Variants in COA8 observed in about 807,000 individuals in gnomAD.
The protein encoded by COA8 is UPF0671 protein C14orf153.
In COA8, 20 loss-of-function variants were observed where a neutral mutation model predicts 22.0. That is an observed-to-expected ratio of 0.91 (90% CI 0.64 to 1.32). The LOEUF (loss-of-function observed/expected upper bound fraction) is 1.32. COA8 is among the 40% of genes most tolerant of loss of function. COA8 has a pLI of 0.00. For synonymous variants in COA8, 105 were observed against 79.9 expected, an observed-to-expected ratio of 1.31 and a Z score of -1.68; for missense variants, 266 against 230.0, an observed-to-expected ratio of 1.16 and a Z score of -1.01.
chr14:103,574,644 C>T (rs1274581516), intron 3 of COA8: 2 of 354,048 alleles, frequency 5.6e-6, no homozygotes, highest in Admixed American at 7.7e-5. Flanking sequence ...AAAGCCAAGT[C>T]TGTCATTGGG....
In COA8 at chr14:103,582,737, C is replaced by CTT. The variant is rs61102383; in HGVS notation, c.386-4522_386-4521dup. On this transcript the variant is annotated intron_variant, in intron 3 of 4. Coordinates refer to ENST00000409074, the MANE Select transcript of COA8 (RefSeq NM_001370595.2). ...TCACATACCATAAAATTCACCCTGC[C>CTT]TTTTTTTTTTTTTTTTGAGATGGAG... is the stretch of plus-strand genomic sequence containing the variant. Among the ~76,000 whole-genome samples, 16 of 120,936 alleles carry CTT rather than the reference C, an allele frequency of 1.3e-4. 4 individuals are homozygous for CTT. Among genetic ancestry groups the CTT allele is most frequent in the Admixed American group, 3.5e-4 (4 of 11,530 alleles). 79.3% of individuals were successfully genotyped at this position (120,936 alleles called of 152,430 possible). A position where few individuals can be genotyped will look rare whatever the true frequency, so the allele number is the denominator to read the frequency against.
intron 3 of COA8, 92 bp from the exon 4 acceptor site, chr14:103,587,182 G>A: frequency 1.1e-6 from 1 of 930,426 alleles, no homozygotes; most frequent in Non-Finnish European, 1.6e-6. Context: ...TATATATCCT[G>A]CAAGCTTGCT....
chr14:103,563,134 G>T lies in COA8; in HGVS notation c.123+10G>T, dbSNP rs751821020. 4.5e-6 allele frequency: 7 copies of T among 1,541,426 alleles called. No homozygotes were observed. The highest frequency in any genetic ancestry group is 3.6e-5 in the South Asian group (3 of 84,382). On this transcript the variant is annotated intron_variant, in intron 1 of 4. Coordinates refer to ENST00000409074, the MANE Select transcript of COA8 (RefSeq NM_001370595.2). ...TACGGCGCCCAGCGGGGTAAGCAGG[G>T]GCCTGGGGACATTGGGCCGGGAGGG...
chr14:103,581,977 C>T lies in COA8; in HGVS notation c.386-5297C>T, dbSNP rs551104713. Among the ~76,000 whole-genome samples the T allele has an allele frequency of 2.0e-4, 31 of 152,292 alleles. No individual in the cohort carries two copies. The South Asian group carries it at 6.4e-3, about 32-fold the overall frequency. ...GCCACTTTGCCCACTCCCCCTTGGG[C>T]CGGAGCATCAGCATTAGCTGTGCCA... On this transcript the variant is annotated intron_variant, in intron 3 of 4. Transcript: ENST00000409074. The surrounding 1 kb of genome is among the most constrained non-coding windows in gnomAD (Gnocchi z 4.1).
intron 4 of COA8, chr14:103,588,354 G>T: frequency 2.5e-6 from 1 of 393,552 alleles, no homozygotes; most frequent in South Asian, 1.4e-4. Flanking sequence ...TGAGCTAGGA[G>T]GACCACTTGA....
intron 2 of COA8, among the ~76,000 whole-genome samples, chr14:103,573,759 G>T (rs531358874): frequency 6.6e-6 from 1 of 151,982 alleles, no homozygotes; most frequent in Non-Finnish European, 1.5e-5. Flanking sequence ...CTCCATGTTG[G>T]CCAGGCTGGT....
chr14:103,578,682 T>C (rs1424900171), intron 3 of COA8, among the ~76,000 whole-genome samples: 2 of 152,184 alleles, frequency 1.3e-5, no homozygotes, highest in Non-Finnish European at 2.9e-5. Context: ...GTGTGGATGG[T>C]GCCCTGCTTA....
chr14:103,586,571 G>T (rs184117420), intron 3 of COA8, among the ~76,000 whole-genome samples: 175 of 150,854 alleles, frequency 1.2e-3, no homozygotes, highest in Middle Eastern at 3.6e-3. Flanking sequence ...TCTATCTCTT[G>T]ATCTTCTGAT....
At position 103,581,672 on chromosome 14, in the gene COA8, G is replaced by A; in HGVS notation, c.386-5602G>A. The A allele has an allele frequency of 2.5e-6, 1 of 398,714 alleles. No individual in the cohort carries two copies. Among genetic ancestry groups the A allele is most frequent in the Non-Finnish European group, 4.4e-6 (1 of 226,120 alleles). 24.7% of individuals were successfully genotyped at this position (398,714 alleles called of 1,614,324 possible). ...CCCTTACACAGTTGAGTAAACCGAG[G>A]CACAGAAGAAAATGAAGTAGCCCCA... On this transcript the variant is annotated intron_variant, in intron 3 of 4. Transcript: ENST00000409074. The surrounding 1 kb of genome is among the most constrained non-coding windows in gnomAD (Gnocchi z 4.1).
chr14:103,571,666 T>A lies in COA8; in HGVS notation c.167T>A (p.Ile56Lys), dbSNP rs978880731. The A allele has an allele frequency of 1.2e-5, 19 of 1,614,116 alleles. No individual in the cohort carries two copies. The highest frequency in any genetic ancestry group is 1.6e-5 in the Non-Finnish European group (19 of 1,180,048). ...CCAAGAAAGTCTTGCCATGATTGGATAGGACCCCCAGATAAATATTCAAAC... is the reference window on the plus strand; with the variant it reads ...CCAAGAAAGTCTTGCCATGATTGGAAAGGACCCCCAGATAAATATTCAAAC... ...CPPRKSCHDW[I>K]GPPDKYSNLR... The change falls in exon 2 of 5, where the codon ATA (isoleucine) becomes AAA (lysine). Residue 56 changes from isoleucine to lysine, a missense_variant. Ile to Lys is a moderately radical substitution (Grantham distance 102, BLOSUM62 -3). Coordinates refer to ENST00000409074, the MANE Select transcript of COA8 (RefSeq NM_001370595.2).
At chr14:103,571,917 G>A in intron 2 of COA8, 97 bp downstream of exon 2, 6 of 1,028,446 alleles carry the variant, frequency 5.8e-6, no homozygotes, top group Non-Finnish European at 8.6e-6. Flanking sequence ...CACGAGGTCA[G>A]GAGATCGAGA....
intron 2 of COA8, among the ~76,000 whole-genome samples, chr14:103,572,825 C>T (rs528032734): frequency 2.6e-3 from 400 of 151,904 alleles, no homozygotes; most frequent in Non-Finnish European, 4.6e-3. Context: ...GCTCTGTCAC[C>T]AAGCTGGAGT....
intron 1 of COA8, among the ~76,000 whole-genome samples, chr14:103,569,431 T>G (rs1489537659): frequency 1.3e-5 from 2 of 152,208 alleles, no homozygotes; most frequent in Admixed American, 1.3e-4. Context: ...TAGATAAATA[T>G]GGAAAAGTAG....
intron 2 of COA8, 39 bp downstream of exon 2, chr14:103,571,859 G>C (rs777734441): frequency 6.4e-7 from 1 of 1,571,814 alleles, no homozygotes; most frequent in Non-Finnish European, 8.7e-7. Context: ...AGGGTGCGGT[G>C]GCTCACGCCT....
chr14:103,589,413 C>T (rs1332776894), intron 4 of COA8, among the ~76,000 whole-genome samples: 2 of 152,100 alleles, frequency 1.3e-5, no homozygotes, highest in African/African-American at 2.4e-5. Flanking sequence ...GGTCGTGGCC[C>T]ATCACATCCC....
chr14:103,580,364 A>G (rs1338304995), intron 3 of COA8, among the ~76,000 whole-genome samples: 2 of 152,070 alleles, frequency 1.3e-5, no homozygotes, highest in African/African-American at 4.8e-5. Flanking sequence ...GCTGGAGTGC[A>G]GTGGTGCAGT....
rs991066076 is a variant in COA8 at position 103,590,405 on chromosome 14, G to A, written c.*119G>A. On this transcript the variant is annotated 3_prime_UTR_variant, in exon 5 of 5. Coordinates refer to ENST00000409074, the MANE Select transcript of COA8 (RefSeq NM_001370595.2). ...AAGAAGCCCCACATCTTCCTAAGGG[G>A]CCCCATGGCCTGTTTGGGGGCAGGG... The A allele has an allele frequency of 6.2e-6, 6 of 968,642 alleles. No homozygotes were observed. In the African/African-American group the frequency reaches 9.9e-5, roughly 16 times the overall value. 60.0% of individuals were successfully genotyped at this position (968,642 alleles called of 1,614,324 possible). A position where few individuals can be genotyped will look rare whatever the true frequency, so the allele number is the denominator to read the frequency against.
In COA8 at chr14:103,581,884, CTG is replaced by C. The variant is rs148536714; in HGVS notation, c.386-5387_386-5386del. On this transcript the variant is annotated intron_variant, in intron 3 of 4. Coordinates refer to ENST00000409074, the MANE Select transcript of COA8 (RefSeq NM_001370595.2). The surrounding 1 kb of genome is among the most constrained non-coding windows in gnomAD (Gnocchi z 4.1). Reference sequence around the variant, plus strand: ...GTGCCGTCTGAGTGTTTGTTTCTGTCTGTGGGAATAAAGGGGTTGCCAGACAC... The same window carrying C: ...GTGCCGTCTGAGTGTTTGTTTCTGTCTGGGAATAAAGGGGTTGCCAGACAC... Among the ~76,000 whole-genome samples the C allele has an allele frequency of 1.3e-3, 194 of 152,328 alleles. 3 individuals carry two copies. In the East Asian group the frequency reaches 0.036, roughly 28 times the overall value.
chr14:103,590,276 G>C lies in COA8; in HGVS notation c.572G>C (p.Arg191Thr). ...AAGCTTAAACAGAAACAAAAGAAGA[G>C]GAGCAACTAGGAGTCCACTCTGACC... Reference protein sequence around the residue: ...WNKLKQKQKKRSN With the variant: ...WNKLKQKQKKTSN The change falls in exon 5 of 5, where the codon AGG (arginine) becomes ACG (threonine). Residue 191 changes from arginine (R) to threonine (T), a missense_variant. By Grantham distance (71) the Arg-to-Thr change is moderately conservative. Transcript: ENST00000409074. 6.2e-7 allele frequency: 1 copy of C among 1,613,760 alleles called. No individual in the cohort carries two copies.
Sources: allele counts gnomAD v4.1 joint callset (sites outside exome capture counted in the v4.1 genomes callset), GRCh38; gene constraint gnomAD v4.1.1; non-coding constraint Gnocchi (gnomAD v3.1); transcripts MANE v1.5; gene names NCBI Gene and HGNC (gene_info 2026-07-23, HGNC 2026-07-21).